TSHZ2: variants seen among roughly 807,000 people sequenced by gnomAD.
The protein encoded by TSHZ2 is teashirt homolog 2.
Under a neutral mutation model 74.4 loss-of-function variants are expected in TSHZ2, and 21 were observed. The ratio of observed to expected loss-of-function variants is 0.28; its 90% CI spans 0.20 to 0.41. The LOEUF is 0.41. Among genes scored for constraint, TSHZ2 ranks in the 10% least tolerant of loss-of-function variants. The pLI is 1.00. For synonymous variants in TSHZ2, 540 were observed against 515.3 expected (o/e 1.05, Z -0.65); for missense variants, 1,244 against 1,293.5 (o/e 0.96, Z 0.59).
chr20:53,001,838 GC>G (rs1982452938), intron 1 of TSHZ2, among the ~76,000 whole-genome samples: 1 of 152,220 alleles, frequency 6.6e-6, no homozygotes, highest in Non-Finnish European at 1.5e-5. Flanking sequence ...TAGTGGCATA[GC>G]TGTGGTTTTG....
At chr20:53,164,119 T>C (rs1988011947) in intron 1 of TSHZ2, among the ~76,000 whole-genome samples, 1 of 152,186 alleles carries the variant, frequency 6.6e-6, no homozygotes, top group African/African-American at 2.4e-5. Flanking sequence ...TGAACATCTT[T>C]TTATGTAGAG....
chr20:52,974,715 C>G (rs1196564280), intron 1 of TSHZ2, among the ~76,000 whole-genome samples: 1 of 152,166 alleles, frequency 6.6e-6, no homozygotes, highest in African/African-American at 2.4e-5. Context: ...GTGGGCATCC[C>G]TTGTCTGAAT....
chr20:53,062,642 G>C (rs1159779712), intron 1 of TSHZ2, among the ~76,000 whole-genome samples: 1 of 152,188 alleles, frequency 6.6e-6, no homozygotes, highest in Non-Finnish European at 1.5e-5. Context: ...TTTGGCTTAA[G>C]GGAATGTTGT....
In TSHZ2 at chr20:53,219,162, C is replaced by T. The variant is rs191580016; in HGVS notation, c.41-34337C>T. The stretch of plus-strand genomic sequence containing the variant: ...GCCAATTTCTCATTTCTCCATTGGC[C>T]CAAGACTTTCAGGTAAACACAGAGT... On this transcript the variant is annotated intron_variant, in intron 1 of 2. Coordinates refer to ENST00000371497, the MANE Select transcript of TSHZ2 (RefSeq NM_173485.6). 5.1e-3 allele frequency among the ~76,000 whole-genome samples: 779 copies of T among 152,250 alleles called. 4 individuals are homozygous for T. Among genetic ancestry groups the T allele is most frequent in the Non-Finnish European group, 9.1e-3 (622 of 68,008 alleles).
At chr20:53,457,147 G>A in intron 2 of TSHZ2, among the ~76,000 whole-genome samples, 1 of 134,076 alleles carries the variant, frequency 7.5e-6, no homozygotes, top group Non-Finnish European at 1.6e-5. Flanking sequence ...ATTACCTTGG[G>A]CAGTATGGCC....
intron 2 of TSHZ2, among the ~76,000 whole-genome samples, chr20:53,384,919 G>A (rs145939324): frequency 0.019 from 2,968 of 152,256 alleles, 83 homozygotes; most frequent in African/African-American, 0.063. Flanking sequence ...TCAGGAGATC[G>A]AGACCATCCT....
intron 2 of TSHZ2, among the ~76,000 whole-genome samples, chr20:53,424,316 G>T (rs1983584986): frequency 6.6e-6 from 1 of 152,170 alleles, no homozygotes; most frequent in Non-Finnish European, 1.5e-5. Flanking sequence ...TTCCCCTGGG[G>T]GGCAAGTCAT....
At chr20:53,141,775 A>G (rs890639612) in intron 1 of TSHZ2, among the ~76,000 whole-genome samples, 3 of 152,204 alleles carry the variant, frequency 2.0e-5, no homozygotes, top group Admixed American at 6.5e-5. Context: ...GCACTTATTC[A>G]TTTAGCATAT....
At chr20:53,445,712 C>T (rs1984521751) in intron 2 of TSHZ2, among the ~76,000 whole-genome samples, 1 of 152,184 alleles carries the variant, frequency 6.6e-6, no homozygotes, top group Admixed American at 6.5e-5. Flanking sequence ...ACTGGCCAGT[C>T]TCCAGAAGTA....
At chr20:53,445,305 G>A (rs571354123) in intron 2 of TSHZ2, among the ~76,000 whole-genome samples, 3 of 152,184 alleles carry the variant, frequency 2.0e-5, no homozygotes, top group South Asian at 2.1e-4. Flanking sequence ...TAAATATAAC[G>A]ATAGAAAAGT....
chr20:53,063,986 T>C (rs1238480194), intron 1 of TSHZ2, among the ~76,000 whole-genome samples: 1 of 152,138 alleles, frequency 6.6e-6, no homozygotes, highest in African/African-American at 2.4e-5. Flanking sequence ...TATTTCTTAA[T>C]AGCGATGCAG....
intron 2 of TSHZ2, among the ~76,000 whole-genome samples, chr20:53,284,174 GAGTGTGTCTGTTA>G (rs1991119220): frequency 6.6e-6 from 1 of 152,194 alleles, no homozygotes; most frequent in Non-Finnish European, 1.5e-5. Context: ...GTTGAGAATG[GAGTGTGTCTGTTA>G]AGTGTTGCTT....
chr20:53,403,022 A>G (rs982112449), intron 2 of TSHZ2, among the ~76,000 whole-genome samples: 7 of 152,198 alleles, frequency 4.6e-5, no homozygotes, highest in African/African-American at 1.7e-4. Context: ...TAGTGGACGC[A>G]GTACCCAACA....
At chr20:53,207,858 C>CCT (rs752948820) in intron 1 of TSHZ2, among the ~76,000 whole-genome samples, 22 of 96,668 alleles carry the variant, frequency 2.3e-4, no homozygotes, top group African/African-American at 9.3e-4. Context: ...CATTGTTTTA[C>CCT]TTTTTTTTTT....
At chr20:53,092,512 T>C (rs895516861) in intron 1 of TSHZ2, among the ~76,000 whole-genome samples, 5 of 152,212 alleles carry the variant, frequency 3.3e-5, no homozygotes, top group African/African-American at 1.2e-4. Flanking sequence ...GTGGGATAAA[T>C]GTTAGCCATG....
intron 2 of TSHZ2, among the ~76,000 whole-genome samples, chr20:53,386,304 G>T (rs1032033601): frequency 6.6e-6 from 1 of 152,220 alleles, no homozygotes. Flanking sequence ...ATATTCCTCT[G>T]TGTTCTTTCC....
intron 1 of TSHZ2, among the ~76,000 whole-genome samples, chr20:53,054,428 A>C (rs890447949): frequency 5.3e-5 from 8 of 152,246 alleles, no homozygotes; most frequent in Admixed American, 1.3e-4. Flanking sequence ...TCTAAGACTA[A>C]AGTAAGGGAA....
At chr20:53,332,357 G>C (rs991175673) in intron 2 of TSHZ2, among the ~76,000 whole-genome samples, 2 of 152,188 alleles carry the variant, frequency 1.3e-5, no homozygotes, top group African/African-American at 4.8e-5. Context: ...AAAGGCAACA[G>C]CATGTTCAAA....
At chr20:53,007,337 G>A (rs1982679219) in intron 1 of TSHZ2, among the ~76,000 whole-genome samples, 2 of 152,100 alleles carry the variant, frequency 1.3e-5, no homozygotes, top group South Asian at 4.1e-4. Context: ...AAGGAAGGAG[G>A]TTCAGAAATC....
Sources: gnomAD v4.1 joint callset for allele counts (sites outside exome capture counted in the v4.1 genomes callset) on GRCh38, gnomAD v4.1.1 for gene constraint, MANE v1.5 for transcripts, NCBI Gene and HGNC (gene_info 2026-07-23, HGNC 2026-07-21) for gene names.